PDLIM5: variants seen among roughly 807,000 people sequenced by gnomAD.
PDLIM5 encodes the protein PDZ and LIM domain protein 5.
In PDLIM5, 34 loss-of-function variants were observed where a neutral mutation model predicts 64.2. The observed-to-expected ratio is 0.53, with a 90% CI of 0.40 to 0.71. The LOEUF is 0.71. Among genes scored for constraint, PDLIM5 ranks in the 30% least tolerant of loss-of-function variants. The pLI is 0.00. For synonymous variants in PDLIM5, 253 were observed against 269.1 expected, an observed-to-expected ratio of 0.94 and a Z score of 0.59; for missense variants, 683 against 733.6, an observed-to-expected ratio of 0.93 and a Z score of 0.80.
At chr4:94,452,828 C>T (rs1254899690) in intron 1 of PDLIM5, among the ~76,000 whole-genome samples, 1 of 152,150 alleles carries the variant, frequency 6.6e-6, no homozygotes, top group East Asian at 1.9e-4. Context: ...GGAAACGGCC[C>T]GTTCGGTAGC....
intron 5 of PDLIM5, among the ~76,000 whole-genome samples, chr4:94,579,019 A>G (rs982211657): frequency 6.6e-6 from 1 of 152,074 alleles, no homozygotes; most frequent in African/African-American, 2.4e-5. Context: ...ATGCTTATTA[A>G]TGAAGCATCA....
intron 9 of PDLIM5, among the ~76,000 whole-genome samples, chr4:94,641,317 T>A (rs1740984980): frequency 6.6e-6 from 1 of 152,258 alleles, no homozygotes; most frequent in Non-Finnish European, 1.5e-5. Context: ...TCATCTCTTC[T>A]ATTACATAAT....
At chr4:94,589,824 G>T (rs976178402) in intron 7 of PDLIM5, among the ~76,000 whole-genome samples, 4 of 151,094 alleles carry the variant, frequency 2.6e-5, no homozygotes, top group African/African-American at 9.8e-5. Flanking sequence ...ACCCAGGCTG[G>T]AGTGCGATGG....
chr4:94,607,171 T>TA (rs1436416128), intron 7 of PDLIM5, among the ~76,000 whole-genome samples: 1 of 152,146 alleles, frequency 6.6e-6, no homozygotes, highest in Non-Finnish European at 1.5e-5. Context: ...TAATGTGAAA[T>TA]AAAAAACAGG....
At chr4:94,589,046 G>A (rs1736469782) in intron 7 of PDLIM5, among the ~76,000 whole-genome samples, 1 of 152,124 alleles carries the variant, frequency 6.6e-6, no homozygotes, top group African/African-American at 2.4e-5. Context: ...TTATAACTGT[G>A]TCTCTGGCCT....
At chr4:94,577,760 G>A (rs913080254) in intron 5 of PDLIM5, among the ~76,000 whole-genome samples, 3 of 151,856 alleles carry the variant, frequency 2.0e-5, no homozygotes, top group Non-Finnish European at 4.4e-5. Context: ...ATCCATTGAA[G>A]GAAGTGTCTT....
intron 8 of PDLIM5, among the ~76,000 whole-genome samples, chr4:94,620,942 G>A (rs1337896551): frequency 7.0e-6 from 1 of 143,130 alleles, no homozygotes; most frequent in Non-Finnish European, 1.5e-5. Flanking sequence ...GTGGTGGTGG[G>A]CACCTATAGT....
chr4:94,555,359 G>A (rs1202827716), intron 3 of PDLIM5, among the ~76,000 whole-genome samples: 1 of 152,126 alleles, frequency 6.6e-6, no homozygotes, highest in African/African-American at 2.4e-5. Flanking sequence ...CGGCCTAAAT[G>A]CATTTTTTAC....
chr4:94,583,014 G>A (rs1202975011), intron 5 of PDLIM5: 2 of 262,010 alleles, frequency 7.6e-6, no homozygotes, highest in East Asian at 1.3e-4. Flanking sequence ...TAGAACTGTA[G>A]TTTGGGCTTT....
chr4:94,528,768 G>T (rs923179263), intron 3 of PDLIM5, among the ~76,000 whole-genome samples: 3 of 152,162 alleles, frequency 2.0e-5, no homozygotes, highest in Admixed American at 6.5e-5. Context: ...AATATATCTC[G>T]TGTGGATATA....
At chr4:94,501,492 A>G in intron 2 of PDLIM5, among the ~76,000 whole-genome samples, 1 of 152,196 alleles carries the variant, frequency 6.6e-6, no homozygotes, top group Non-Finnish European at 1.5e-5. Flanking sequence ...AAGTTCAGAA[A>G]TTGAGAGTAA....
At chr4:94,473,316 C>G (rs1205643055) in intron 2 of PDLIM5, among the ~76,000 whole-genome samples, 1 of 152,150 alleles carries the variant, frequency 6.6e-6, no homozygotes, top group Non-Finnish European at 1.5e-5. Flanking sequence ...GGCTGGAGTA[C>G]AGTGGCACAA....
At chr4:94,551,032 GA>G (rs1732761343) in intron 3 of PDLIM5, among the ~76,000 whole-genome samples, 1 of 152,052 alleles carries the variant, frequency 6.6e-6, no homozygotes, top group Admixed American at 6.6e-5. Flanking sequence ...AAAGGCCCAA[GA>G]AAAGGTTAGA....
chr4:94,457,149 C>A lies in PDLIM5; in HGVS notation c.96+1765C>A, dbSNP rs183910472. On this transcript the variant is annotated intron_variant, in intron 2 of 12. Transcript: ENST00000317968. ...TGAAAGATTAAAAATAAGTTTGTAA[C>A]GCCTAAATATCCTTATTAAAATACT... 25 of 956,534 alleles carry A rather than the reference C, an allele frequency of 2.6e-5. No homozygotes were observed. In the Middle Eastern group the frequency reaches 1.6e-3, roughly 61 times the overall value. 59.3% of individuals were successfully genotyped at this position (956,534 alleles called of 1,614,324 possible).
intron 5 of PDLIM5, among the ~76,000 whole-genome samples, chr4:94,583,445 C>T (rs2110306150): frequency 6.6e-6 from 1 of 152,230 alleles, no homozygotes; most frequent in East Asian, 1.9e-4. Flanking sequence ...GCAAACTACA[C>T]TCAATACTTG....
chr4:94,606,770 A>G (rs547606654), intron 7 of PDLIM5, among the ~76,000 whole-genome samples: 2 of 152,338 alleles, frequency 1.3e-5, no homozygotes, highest in East Asian at 3.9e-4. Context: ...TTCAGGCCAT[A>G]TGGTCTGTCA....
At chr4:94,555,146 C>T (rs1304608638) in intron 3 of PDLIM5, among the ~76,000 whole-genome samples, 3 of 152,112 alleles carry the variant, frequency 2.0e-5, no homozygotes, top group African/African-American at 4.8e-5. Flanking sequence ...CTCCGCCTCC[C>T]GGGTTCAAGT....
rs1734526336 is a variant in PDLIM5 at position 94,568,449 on chromosome 4, A to G, written c.249-4902A>G. Among the ~76,000 whole-genome samples, 3 of 152,214 alleles carry G rather than the reference A, an allele frequency of 2.0e-5. 1 individual carries two copies. The highest frequency in any genetic ancestry group is 1.3e-4 in the Admixed American group (2 of 15,284). On this transcript the variant is annotated intron_variant, in intron 3 of 12. Coordinates refer to ENST00000317968, the MANE Select transcript of PDLIM5 (RefSeq NM_006457.5). ...TTTTCACTGTAATGAAATTTTTTCC[A>G]TAGTAATAATGAATTACTCTTAAAT...
chr4:94,467,538 T>A (rs1169656460), intron 2 of PDLIM5, among the ~76,000 whole-genome samples: 9 of 152,084 alleles, frequency 5.9e-5, no homozygotes, highest in African/African-American at 2.4e-5. Context: ...GGTCTTGAAC[T>A]CCTGACCTCG....
Sources: allele counts gnomAD v4.1 joint callset (sites outside exome capture counted in the v4.1 genomes callset), GRCh38; gene constraint gnomAD v4.1.1; transcripts MANE v1.5; gene names NCBI Gene and HGNC (gene_info 2026-07-23, HGNC 2026-07-21).